SULT4A1: variants seen among roughly 807,000 people sequenced by gnomAD.
The protein encoded by SULT4A1 is sulfotransferase 4A1.
In SULT4A1, 11 loss-of-function variants were observed where a neutral mutation model predicts 35.2. The observed-to-expected ratio is 0.31, with a 90% CI of 0.20 to 0.52. The LOEUF (loss-of-function observed/expected upper bound fraction) is 0.52, where lower values mean the gene tolerates loss of function less well. SULT4A1 is among the 20% of genes least tolerant of loss of function. The pLI is 0.97. For missense variants in SULT4A1, 271 were observed against 383.7 expected, an observed-to-expected ratio of 0.71 and a Z score of 2.45; for synonymous variants, 152 against 151.8, an observed-to-expected ratio of 1.00 and a Z score of -0.01.
At chr22:43,840,784 A>C (rs1266502541) in intron 2 of SULT4A1, among the ~76,000 whole-genome samples, 2 of 152,216 alleles carry the variant, frequency 1.3e-5, no homozygotes, top group Non-Finnish European at 2.9e-5. Context: ...GAATGGGCCC[A>C]GCCCTCATGA....
At chr22:43,828,051 G>A (rs2063300305) in intron 6 of SULT4A1, among the ~76,000 whole-genome samples, 1 of 152,218 alleles carries the variant, frequency 6.6e-6, no homozygotes, top group Admixed American at 6.5e-5. Flanking sequence ...AAAAGCCGCA[G>A]AAGCTGAAGG....
rs137983527 is a variant in SULT4A1, at chr22:43,854,021, G to A, written c.169+8193C>T. ...AGCTTTGGGGAAAGGAGGCTCTGGT[G>A]TGCGGCATTAAGGGCCCCAGTTTGC... On this transcript the variant is annotated intron_variant, in intron 1 of 6. Transcript: ENST00000330884. Among the ~76,000 whole-genome samples the A allele has an allele frequency of 2.7e-3, 416 of 152,342 alleles. 1 individual carries two copies. The highest frequency in any genetic ancestry group is 9.8e-3 in the African/African-American group (409 of 41,574).
chr22:43,826,365 C>T, intron 6 of SULT4A1: 1 of 985,406 alleles, frequency 1.0e-6, no homozygotes, highest in Non-Finnish European at 1.2e-6. Context: ...TGAGCCACAA[C>T]CACCTCCTGG....
At chr22:43,831,668 G>T (rs2063326908) in intron 5 of SULT4A1, among the ~76,000 whole-genome samples, 1 of 152,270 alleles carries the variant, frequency 6.6e-6, no homozygotes, top group Non-Finnish European at 1.5e-5. Flanking sequence ...AGGTGGAGGA[G>T]CCTCGCCATC....
chr22:43,826,693 G>T, intron 6 of SULT4A1: 2 of 985,464 alleles, frequency 2.0e-6, no homozygotes, highest in Non-Finnish European at 2.4e-6. Flanking sequence ...CTGGGCCAAA[G>T]ATGCAGATTT....
At position 43,831,288 on chromosome 22, in the gene SULT4A1, C is replaced by CAGCAGCTGCCCCCGAGATGTGTG. The variant is rs1556450830; in HGVS notation, c.604-2091_604-2090insCACACATCTCGGGGGCAGCTGCT. Among the ~76,000 whole-genome samples the CAGCAGCTGCCCCCGAGATGTGTG allele has an allele frequency of 5.3e-5, 8 of 151,436 alleles. No homozygotes were observed. The East Asian group carries it at 1.4e-3, about 26-fold the overall frequency. ...AAGCTCCAGGAAGAAACTGCTGACC[C>CAGCAGCTGCCCCCGAGATGTGTG]GGCAGCTGCCCCCGAGATGTGTGGG... On this transcript the variant is annotated intron_variant, in intron 5 of 6. Coordinates refer to ENST00000330884, the MANE Select transcript of SULT4A1 (RefSeq NM_014351.4).
chr22:43,857,034 GT>G (rs2148307999), intron 1 of SULT4A1, among the ~76,000 whole-genome samples: 1 of 152,204 alleles, frequency 6.6e-6, no homozygotes, highest in African/African-American at 2.4e-5. Context: ...CATGTTAAAG[GT>G]TCCCAAGGAA....
At chr22:43,831,031 T>C (rs192388732) in intron 5 of SULT4A1, among the ~76,000 whole-genome samples, 109 of 152,266 alleles carry the variant, frequency 7.2e-4, no homozygotes, top group Middle Eastern at 6.8e-3. Context: ...AGGGATGCCA[T>C]TGAGTCACAG....
In SULT4A1 at chr22:43,853,191, CCACACACACTA is replaced by C. The variant is rs539114668; in HGVS notation, c.169+9012_169+9022del. ...ATGCACACACACCACACACATACAC[CCACACACACTA>C]CACACACACAGCACCAAGGCTCACA... is the stretch of plus-strand genomic sequence containing the variant. On this transcript the variant is annotated intron_variant, in intron 1 of 6. Coordinates refer to ENST00000330884, the MANE Select transcript of SULT4A1 (RefSeq NM_014351.4). Among the ~76,000 whole-genome samples, 71 of 151,950 alleles carry C rather than the reference CCACACACACTA, an allele frequency of 4.7e-4. No homozygotes were observed. The Middle Eastern group carries it at 0.031, about 66-fold the overall frequency.
At chr22:43,861,702 G>C (rs550387767) in intron 1 of SULT4A1, among the ~76,000 whole-genome samples, 1 of 152,350 alleles carries the variant, frequency 6.6e-6, no homozygotes, top group African/African-American at 2.4e-5. Context: ...GCGGGGACTG[G>C]TCCCATCCCC....
intron 1 of SULT4A1, among the ~76,000 whole-genome samples, chr22:43,848,553 A>G (rs1275914891): frequency 6.6e-6 from 1 of 152,230 alleles, no homozygotes; most frequent in Non-Finnish European, 1.5e-5. Context: ...ACTGACAGGG[A>G]AACAAGGCAC....
chr22:43,826,135 T>G (rs746380019), intron 6 of SULT4A1, 22 bp from the exon 7 acceptor site: 38 of 1,612,496 alleles, frequency 2.4e-5, no homozygotes, highest in Middle Eastern at 1.6e-4. Flanking sequence ...ACAAGAGAAC[T>G]GCTGGGGCCA....
chr22:43,827,766 C>CAA, intron 6 of SULT4A1: 1 of 450,584 alleles, frequency 2.2e-6, no homozygotes, highest in Non-Finnish European at 4.1e-6. Context: ...CACACACACA[C>CAA]ACACACACAC....
Position 43,829,155 on chromosome 22 carries a change from A to AC in SULT4A1, c.646dup (p.Val216GlyfsTer4). Reference sequence around the variant, plus strand: ...TTCCAGCTGGGCCTTGTCACAGGACACCCCCAGGAATCTGGCCAGCTGCTC... The same window carrying AC: ...TTCCAGCTGGGCCTTGTCACAGGACACCCCCCAGGAATCTGGCCAGCTGCTC... On this transcript the variant is annotated frameshift_variant, in exon 6 of 7. Coordinates refer to ENST00000330884, the MANE Select transcript of SULT4A1 (RefSeq NM_014351.4). LOFTEE classifies it high-confidence loss of function. The AC allele has an allele frequency of 6.4e-7, 1 of 1,564,656 alleles. No individual in the cohort carries two copies. The highest frequency in any genetic ancestry group is 8.7e-7 in the Non-Finnish European group (1 of 1,154,792).
At chr22:43,861,312 A>C (rs2049465697) in intron 1 of SULT4A1, among the ~76,000 whole-genome samples, 2 of 152,132 alleles carry the variant, frequency 1.3e-5, no homozygotes. Flanking sequence ...ACACCTTCTA[A>C]ACCACGCTGT....
At chr22:43,847,506 C>T (rs2063484083) in intron 1 of SULT4A1, among the ~76,000 whole-genome samples, 1 of 152,222 alleles carries the variant, frequency 6.6e-6, no homozygotes, top group Non-Finnish European at 1.5e-5. Flanking sequence ...CACAGCCCCT[C>T]CACCCACCCT....
intron 1 of SULT4A1, among the ~76,000 whole-genome samples, chr22:43,853,753 G>A (rs1038883796): frequency 2.6e-5 from 4 of 152,220 alleles, no homozygotes; most frequent in African/African-American, 7.2e-5. Flanking sequence ...CTTCTGTTCC[G>A]GGTATACAAC....
intron 2 of SULT4A1, 86 bp downstream of exon 2, chr22:43,841,716 C>T (rs527318877): frequency 1.7e-4 from 259 of 1,544,130 alleles, no homozygotes; most frequent in Middle Eastern, 1.0e-3. Flanking sequence ...TCCACAGAGC[C>T]CCCAGGAGCA....
chr22:43,833,811 G>C, intron 4 of SULT4A1, 77 bp from the exon 5 acceptor site: 2 of 1,260,156 alleles, frequency 1.6e-6, no homozygotes, highest in East Asian at 5.1e-5. Flanking sequence ...CCACCCCACA[G>C]GGCTGCCCTC....
Sources: gnomAD v4.1 joint callset for allele counts (sites outside exome capture counted in the v4.1 genomes callset) on GRCh38, gnomAD v4.1.1 for gene constraint, MANE v1.5 for transcripts, NCBI Gene and HGNC (gene_info 2026-07-23, HGNC 2026-07-21) for gene names.